ARHGAP18: variants seen among roughly 807,000 people sequenced by gnomAD.
The protein encoded by ARHGAP18 is Rho GTPase activating protein 18.
Under a neutral mutation model 86.2 loss-of-function variants are expected in ARHGAP18, and 67 were observed. That is an observed-to-expected ratio of 0.78 (90% confidence interval 0.64 to 0.95). ARHGAP18 has a LOEUF of 0.95. Among genes scored for constraint, ARHGAP18 ranks in the 40% least tolerant of loss-of-function variants. The pLI is 0.00. For missense variants in ARHGAP18, 691 were observed against 780.4 expected, an observed-to-expected ratio of 0.89 and a Z score of 1.37; for synonymous variants, 283 against 280.4, an observed-to-expected ratio of 1.01 and a Z score of -0.09.
chr6:129,582,485 G>A (rs933031040), intron 13 of ARHGAP18, among the ~76,000 whole-genome samples: 2 of 152,156 alleles, frequency 1.3e-5, no homozygotes, highest in Non-Finnish European at 2.9e-5. Flanking sequence ...CACGTTCTGG[G>A]AGAGAATGAG....
rs1426854339 is a variant in ARHGAP18 at position 129,710,004 on chromosome 6, T to C, written c.113+20A>G. 3 of 1,599,904 alleles carry C rather than the reference T, an allele frequency of 1.9e-6. No homozygotes were observed. Among genetic ancestry groups the C allele is most frequent in the African/African-American group, 2.7e-5 (2 of 74,672 alleles). On this transcript the variant is annotated intron_variant, in intron 1 of 14. Coordinates refer to ENST00000368149, the MANE Select transcript of ARHGAP18 (RefSeq NM_033515.3). The stretch of plus-strand genomic sequence containing the variant: ...GCAGGTAAGAGGGTTTTGTTTTGTT[T>C]TCAGCTTCCGAAGGCTTACCTCGAG...
intron 14 of ARHGAP18, among the ~76,000 whole-genome samples, chr6:129,579,003 C>A (rs74858108): frequency 0.092 from 13,920 of 152,030 alleles, 873 homozygotes; most frequent in Middle Eastern, 0.17. Context: ...AAAAACTTCT[C>A]ATTCTTTCCT....
intron 1 of ARHGAP18, among the ~76,000 whole-genome samples, chr6:129,666,188 C>T (rs1774031952): frequency 3.3e-5 from 5 of 152,234 alleles, no homozygotes; most frequent in Admixed American, 3.3e-4. Flanking sequence ...TGATGATGCT[C>T]ACACCAGCAA....
chr6:129,595,380 T>C (rs1788596146), intron 12 of ARHGAP18, among the ~76,000 whole-genome samples: 1 of 152,192 alleles, frequency 6.6e-6, no homozygotes, highest in Non-Finnish European at 1.5e-5. Context: ...TTTTGGATTA[T>C]CTCTAATTTT....
chr6:129,659,038 C>T (rs577032847), intron 1 of ARHGAP18, among the ~76,000 whole-genome samples: 68 of 152,254 alleles, frequency 4.5e-4, no homozygotes, highest in African/African-American at 1.5e-3. Flanking sequence ...TTTTAACCCA[C>T]GCAATATACA....
chr6:129,670,698 T>A (rs1159192389), intron 1 of ARHGAP18, among the ~76,000 whole-genome samples: 1 of 151,838 alleles, frequency 6.6e-6, no homozygotes, highest in Non-Finnish European at 1.5e-5. Context: ...CTTTTTTTTT[T>A]TTTTTTTACT....
At chr6:129,599,454 A>T in intron 11 of ARHGAP18, 98 bp from the exon 12 acceptor site, 1 of 1,116,566 alleles carries the variant, frequency 9.0e-7, no homozygotes, top group Non-Finnish European at 1.2e-6. Flanking sequence ...AAAAACAGTA[A>T]AGAGTTTCTC....
intron 1 of ARHGAP18, among the ~76,000 whole-genome samples, chr6:129,699,759 C>T (rs1422347160): frequency 6.6e-6 from 1 of 152,086 alleles, no homozygotes; most frequent in Admixed American, 6.5e-5. Flanking sequence ...CCACACCCAC[C>T]AAAAAAGTCC....
intron 8 of ARHGAP18, 107 bp from the exon 9 acceptor site, chr6:129,608,159 T>C (rs1480897759): frequency 7.6e-7 from 1 of 1,323,638 alleles, no homozygotes; most frequent in Non-Finnish European, 9.9e-7. Flanking sequence ...ACTCTGCTCT[T>C]TAGACAAGAC....
chr6:129,671,386 G>A (rs2114528201), intron 1 of ARHGAP18, among the ~76,000 whole-genome samples: 1 of 152,274 alleles, frequency 6.6e-6, no homozygotes, highest in Admixed American at 6.5e-5. Context: ...GGACACGTGT[G>A]TTCATCTTCA....
chr6:129,686,242 C>T (rs929511117), intron 1 of ARHGAP18, among the ~76,000 whole-genome samples: 6 of 128,372 alleles, frequency 4.7e-5, no homozygotes, highest in South Asian at 2.4e-4. Context: ...TGAACTCCCA[C>T]GCTCCCAAAC....
At chr6:129,585,579 G>C (rs756781364) in intron 12 of ARHGAP18, among the ~76,000 whole-genome samples, 3 of 152,168 alleles carry the variant, frequency 2.0e-5, no homozygotes, top group Non-Finnish European at 4.4e-5. Flanking sequence ...TATCACAAAG[G>C]ACCTGACCAT....
chr6:129,638,549 T>C lies in ARHGAP18; in HGVS notation c.397A>G (p.Ser133Gly). The C allele has an allele frequency of 6.2e-7, 1 of 1,614,204 alleles. No homozygotes were observed. Among genetic ancestry groups the C allele is most frequent in the Non-Finnish European group, 8.5e-7 (1 of 1,180,026 alleles). The change falls in exon 3 of 15, where the codon AGC becomes GGC. Residue 133 changes from serine to glycine, a missense_variant. By Grantham distance (56) the Ser-to-Gly change is moderately conservative. Transcript: ENST00000368149. ...FGESAGDPQE[S>G]IVFLSTLTRT... ...GTCAATGTTGATAAAAACACAATGC[T>C]TTCCTGTGGATCTCCAGCAGACTCT...
chr6:129,686,978 C>CTTTTTTTTTTTTTTTTT (rs71028176), intron 1 of ARHGAP18, among the ~76,000 whole-genome samples: 3 of 106,938 alleles, frequency 2.8e-5, no homozygotes, highest in Non-Finnish European at 3.8e-5. Context: ...TTTTTTTTTT[C>CTTTTTTTTTTTTTTTTT]TTTTTTTTTT....
At chr6:129,691,600 G>A (rs1402891817) in intron 1 of ARHGAP18, among the ~76,000 whole-genome samples, 1 of 151,938 alleles carries the variant, frequency 6.6e-6, no homozygotes, top group Non-Finnish European at 1.5e-5. Context: ...TTCTGTATTC[G>A]AGCGCTATCA....
At chr6:129,627,503 T>C (rs932378186) in intron 5 of ARHGAP18, among the ~76,000 whole-genome samples, 4 of 152,054 alleles carry the variant, frequency 2.6e-5, no homozygotes, top group Non-Finnish European at 5.9e-5. Context: ...TAAAGTCAAC[T>C]AATTAATAAG....
intron 4 of ARHGAP18, among the ~76,000 whole-genome samples, chr6:129,631,036 A>T (rs187440103): frequency 1.3e-5 from 2 of 152,300 alleles, no homozygotes; most frequent in East Asian, 3.9e-4. Flanking sequence ...CCTTTTGATG[A>T]TTAATTTTTT....
At chr6:129,676,335 G>C (rs968300582) in intron 1 of ARHGAP18, among the ~76,000 whole-genome samples, 9 of 152,124 alleles carry the variant, frequency 5.9e-5, no homozygotes, top group African/African-American at 1.9e-4. Context: ...TTGCAGAGGG[G>C]GGGCAACAGG....
At chr6:129,649,675 GA>G (rs532314871) in intron 1 of ARHGAP18, among the ~76,000 whole-genome samples, 5,674 of 135,378 alleles carry the variant, frequency 0.042, 150 homozygotes, top group Non-Finnish European at 0.055. Context: ...GGGTAGAAAA[GA>G]AAAAAAAAAA....
Sources: gnomAD v4.1 joint callset for allele counts (sites outside exome capture counted in the v4.1 genomes callset) on GRCh38, gnomAD v4.1.1 for gene constraint, MANE v1.5 for transcripts, NCBI Gene and HGNC (gene_info 2026-07-23, HGNC 2026-07-21) for gene names.